NCKAP5: variants seen among roughly 807,000 people sequenced by gnomAD.
NCKAP5 encodes NCK associated protein 5.
A neutral mutation model predicts 167.0 loss-of-function variants in NCKAP5; 92 were observed. The observed-to-expected ratio is 0.55, with a 90% CI of 0.47 to 0.66. NCKAP5 has a LOEUF of 0.66. NCKAP5 is among the 30% of genes least tolerant of loss of function. NCKAP5 has a pLI of 0.00. For missense variants in NCKAP5, 2,378 were observed against 2,315.0 expected, an observed-to-expected ratio of 1.03 and a Z score of -0.56; for synonymous variants, 891 against 877.4, an observed-to-expected ratio of 1.02 and a Z score of -0.27.
intron 6 of NCKAP5, among the ~76,000 whole-genome samples, chr2:133,006,470 A>T (rs1329197167): frequency 6.6e-6 from 1 of 152,202 alleles, no homozygotes; most frequent in Non-Finnish European, 1.5e-5. Flanking sequence ...AACAGGCCAC[A>T]TGCTGTCTGT....
At chr2:133,453,913 C>A (rs1004211993) in intron 3 of NCKAP5, among the ~76,000 whole-genome samples, 10 of 152,048 alleles carry the variant, frequency 6.6e-5, no homozygotes, top group Middle Eastern at 3.4e-3. Context: ...TGAGCCCCCC[C>A]ACCACCGCTG....
chr2:132,949,378 A>G (rs2076112071), intron 8 of NCKAP5, among the ~76,000 whole-genome samples: 1 of 152,086 alleles, frequency 6.6e-6, no homozygotes, highest in African/African-American at 2.4e-5. Flanking sequence ...ACCACCTCCA[A>G]CCAGCTCTCT....
At position 132,984,498 on chromosome 2, in the gene NCKAP5, A is replaced by C. The variant is rs575722734; in HGVS notation, c.429+9654T>G. On this transcript the variant is annotated intron_variant, in intron 7 of 19. Coordinates refer to ENST00000409261, the MANE Select transcript of NCKAP5 (RefSeq NM_207363.3). The stretch of plus-strand genomic sequence containing the variant: ...TGAATCTTGCAATGGCTTAAATGCC[A>C]ACAGCAGACCCCTGGCCAGACCATT... Among the ~76,000 whole-genome samples the C allele has an allele frequency of 7.6e-4, 115 of 152,304 alleles. No homozygotes were observed. The Middle Eastern group carries it at 0.017, about 23-fold the overall frequency.
intron 6 of NCKAP5, among the ~76,000 whole-genome samples, chr2:133,089,471 C>CA (rs962557323): frequency 1.3e-5 from 2 of 151,742 alleles, no homozygotes; most frequent in Admixed American, 6.6e-5. Flanking sequence ...ACTGATGGCT[C>CA]AAAAAAAAGA....
At chr2:133,379,227 A>AAT (rs1285578165) in intron 3 of NCKAP5, among the ~76,000 whole-genome samples, 1 of 152,216 alleles carries the variant, frequency 6.6e-6, no homozygotes, top group Non-Finnish European at 1.5e-5. Context: ...TGCTCTAACA[A>AAT]ATAAATTAAT....
intron 5 of NCKAP5, among the ~76,000 whole-genome samples, chr2:133,205,316 T>TAGATAGATAGATAGAC (rs1271097592): frequency 1.3e-3 from 204 of 152,032 alleles, no homozygotes; most frequent in East Asian, 3.1e-3. Flanking sequence ...GATAGATAGA[T>TAGATAGATAGATAGAC]AGACAGACAG....
chr2:132,859,782 A>G (rs898543565), intron 11 of NCKAP5, among the ~76,000 whole-genome samples: 7 of 152,194 alleles, frequency 4.6e-5, no homozygotes, highest in Non-Finnish European at 1.0e-4. Flanking sequence ...AAATATACAC[A>G]TTAATAGGAT....
rs1017798541 is a variant in NCKAP5, at chr2:133,344,404, T to C, written c.70-41294A>G. On this transcript the variant is annotated intron_variant, in intron 3 of 19. Transcript: ENST00000409261. ...GCCTGGGCGACAAAGTGAAACTTTGTCTCAAAAAAAAAAAAAAAAGGGTAA... is the reference window on the plus strand; with the variant it reads ...GCCTGGGCGACAAAGTGAAACTTTGCCTCAAAAAAAAAAAAAAAAGGGTAA... Among the ~76,000 whole-genome samples, 35 of 128,430 alleles carry C rather than the reference T, an allele frequency of 2.7e-4. 1 individual carries two copies. The highest frequency in any genetic ancestry group is 4.7e-4 in the South Asian group (2 of 4,272). 84.3% of individuals were successfully genotyped at this position (128,430 alleles called of 152,430 possible). A position where few individuals can be genotyped will look rare whatever the true frequency, so the allele number is the denominator to read the frequency against.
intron 6 of NCKAP5, among the ~76,000 whole-genome samples, chr2:133,076,325 T>G (rs891035484): frequency 2.3e-4 from 35 of 152,200 alleles, no homozygotes; most frequent in Non-Finnish European, 3.7e-4. Flanking sequence ...GAGGGCTGAC[T>G]GGAGGACTTG....
At chr2:133,138,636 T>C (rs1351032980) in intron 5 of NCKAP5, among the ~76,000 whole-genome samples, 4 of 152,192 alleles carry the variant, frequency 2.6e-5, no homozygotes, top group African/African-American at 9.6e-5. Flanking sequence ...GAAATATACT[T>C]ACTGTCTCCG....
At chr2:132,963,952 TCTC>T in intron 7 of NCKAP5, 83 bp from the exon 8 acceptor site, 1 of 1,474,224 alleles carries the variant, frequency 6.8e-7, no homozygotes, top group Middle Eastern at 1.7e-4. Flanking sequence ...CTGGAATCAT[TCTC>T]CTGCGTGTGC....
At chr2:133,432,275 T>C (rs1690208346) in intron 3 of NCKAP5, among the ~76,000 whole-genome samples, 1 of 152,228 alleles carries the variant, frequency 6.6e-6, no homozygotes, top group South Asian at 2.1e-4. Context: ...CATTCATTAT[T>C]AATAATCTGT....
rs549932727 is a variant in NCKAP5 at position 132,992,558 on chromosome 2, G to A, written c.429+1594C>T. 3.9e-5 allele frequency among the ~76,000 whole-genome samples: 6 copies of A among 152,306 alleles called. No homozygotes were observed. The South Asian group carries it at 6.2e-4, about 16-fold the overall frequency. ...AATAATTTACTTCACAGATTCATAT[G>A]ACCCTTTCAGGCTGCATCGAACCAT... On this transcript the variant is annotated intron_variant, in intron 7 of 19. Transcript: ENST00000409261.
chr2:133,218,913 G>A (rs1003917638), intron 4 of NCKAP5, among the ~76,000 whole-genome samples: 2 of 152,128 alleles, frequency 1.3e-5, no homozygotes, highest in African/African-American at 4.8e-5. Context: ...AATGGTTTTA[G>A]TCATTACATA....
chr2:133,516,107 G>A (rs926495477), intron 3 of NCKAP5, among the ~76,000 whole-genome samples: 1 of 152,124 alleles, frequency 6.6e-6, no homozygotes, highest in African/African-American at 2.4e-5. Flanking sequence ...CATACCCTAC[G>A]GCTGTCTCTG....
intron 6 of NCKAP5, among the ~76,000 whole-genome samples, chr2:133,119,952 A>G (rs1243735110): frequency 6.6e-6 from 1 of 152,264 alleles, no homozygotes; most frequent in African/African-American, 2.4e-5. Flanking sequence ...GATTTTGGAA[A>G]TGATAAAACA....
At chr2:133,149,480 T>C (rs1238311748) in intron 5 of NCKAP5, among the ~76,000 whole-genome samples, 6 of 138,064 alleles carry the variant, frequency 4.3e-5, no homozygotes, top group African/African-American at 1.3e-4. Flanking sequence ...TCTTCTCTAC[T>C]GAGAGCCTCT....
intron 3 of NCKAP5, among the ~76,000 whole-genome samples, chr2:133,445,479 G>A (rs1239316976): frequency 6.6e-6 from 1 of 152,156 alleles, no homozygotes; most frequent in Non-Finnish European, 1.5e-5. Context: ...GCTCACTTTT[G>A]TAGACCTTGG....
At position 133,430,653 on chromosome 2, in the gene NCKAP5, T is replaced by C. The variant is rs78912679; in HGVS notation, c.69+86805A>G. On this transcript the variant is annotated intron_variant, in intron 3 of 19. Coordinates refer to ENST00000409261, the MANE Select transcript of NCKAP5 (RefSeq NM_207363.3). ...GAGTCCTTTCCCCATTGCTTATTATTGTTGACTGTTGAAGATGAGTTAGTC... is the reference window on the plus strand; with the variant it reads ...GAGTCCTTTCCCCATTGCTTATTATCGTTGACTGTTGAAGATGAGTTAGTC... Among the ~76,000 whole-genome samples the C allele has an allele frequency of 2.8e-3, 420 of 152,284 alleles. 2 individuals are homozygous for C. Among genetic ancestry groups the C allele is most frequent in the African/African-American group, 9.8e-3 (408 of 41,550 alleles).
Sources: gnomAD v4.1 joint callset for allele counts (sites outside exome capture counted in the v4.1 genomes callset) on GRCh38, gnomAD v4.1.1 for gene constraint, MANE v1.5 for transcripts, NCBI Gene and HGNC (gene_info 2026-07-23, HGNC 2026-07-21) for gene names.